The following ANKRD30B variants were observed in gnomAD, a reference collection of about 807,000 sequenced individuals.
ANKRD30B encodes the protein ankyrin repeat domain-containing protein 30B.
ANKRD30B carries 144 observed loss-of-function variants against 202.2 expected under a neutral mutation model. That is an observed-to-expected ratio of 0.71 (90% CI 0.62 to 0.82). The LOEUF is 0.82. ANKRD30B is among the 40% of genes least tolerant of loss of function. The pLI is 0.00. For synonymous variants in ANKRD30B, 508 were observed against 561.3 expected (o/e 0.91, Z 1.34); for missense variants, 1,487 against 1,669.1 (o/e 0.89, Z 1.90).
chr18:14,822,257 A>C (rs1452543593), intron 30 of ANKRD30B, among the ~76,000 whole-genome samples: 1 of 151,994 alleles, frequency 6.6e-6, no homozygotes, highest in African/African-American at 2.4e-5. Context: ...TGACTGTTGA[A>C]ATCTTCACAG....
the ANKRD30B span, among the ~76,000 whole-genome samples, chr18:14,868,188 G>A: frequency 1.3e-5 from 2 of 152,302 alleles, no homozygotes; most frequent in Admixed American, 1.3e-4. Context: ...AGCAAGTCTA[G>A]GGGCCAGGAA....
At chr18:14,805,199 C>G (rs890796429) in intron 24 of ANKRD30B, among the ~76,000 whole-genome samples, 2 of 150,672 alleles carry the variant, frequency 1.3e-5, no homozygotes, top group Non-Finnish European at 3.0e-5. Flanking sequence ...ACCTCATTAG[C>G]GAATAACATG....
the ANKRD30B span, among the ~76,000 whole-genome samples, chr18:14,930,478 G>A: frequency 6.6e-6 from 1 of 152,164 alleles, no homozygotes; most frequent in Non-Finnish European, 1.5e-5. Flanking sequence ...CTCCATCCCT[G>A]TAAGAAAACT....
chr18:14,863,412 C>T, the ANKRD30B span, among the ~76,000 whole-genome samples: 1 of 152,044 alleles, frequency 6.6e-6, no homozygotes, highest in Non-Finnish European at 1.5e-5. Context: ...CTATTCATTT[C>T]TCTCTTGACA....
chr18:14,772,297 T>C (rs576148333), intron 9 of ANKRD30B, 69 bp downstream of exon 9: 80 of 958,276 alleles, frequency 8.3e-5, no homozygotes, highest in Non-Finnish European at 1.1e-4. Context: ...TTCTTAGCAG[T>C]GGTGTATGTA....
chr18:14,890,990 A>G, the ANKRD30B span, among the ~76,000 whole-genome samples: 2 of 152,024 alleles, frequency 1.3e-5, no homozygotes, highest in Non-Finnish European at 2.9e-5. Flanking sequence ...ATGACACACT[A>G]AATAAAGTAA....
intron 1 of ANKRD30B, among the ~76,000 whole-genome samples, chr18:14,751,741 T>A (rs1374983135): frequency 1.3e-5 from 2 of 152,166 alleles, no homozygotes; most frequent in Non-Finnish European, 2.9e-5. Context: ...GAGGAAGTAG[T>A]TTGTTTTAAC....
At chr18:14,938,988 A>G in the ANKRD30B span, among the ~76,000 whole-genome samples, 2 of 152,192 alleles carry the variant, frequency 1.3e-5, no homozygotes, top group African/African-American at 4.8e-5. Flanking sequence ...ATAAATGGCC[A>G]CAGGCTGCTG....
In ANKRD30B at chr18:14,785,096, T is replaced by A. The variant is rs185589852; in HGVS notation, c.1672+561T>A. On this transcript the variant is annotated intron_variant, in intron 14 of 43. Transcript: ENST00000690538. ...CTTTACCTTGTAAAGATGAGGAAAG[T>A]AATTAGTCATTTATTTGTGAATATT... Among the ~76,000 whole-genome samples the A allele has an allele frequency of 2.4e-4, 37 of 152,304 alleles. No homozygotes were observed. The East Asian group carries it at 6.4e-3, about 26-fold the overall frequency.
intron 37 of ANKRD30B, among the ~76,000 whole-genome samples, chr18:14,841,933 A>G (rs1464309591): frequency 6.6e-6 from 1 of 152,194 alleles, no homozygotes; most frequent in Non-Finnish European, 1.5e-5. Flanking sequence ...TATTCAAATG[A>G]GAGATATTTG....
intron 22 of ANKRD30B, among the ~76,000 whole-genome samples, chr18:14,800,371 C>G (rs1267172528): frequency 9.3e-5 from 14 of 150,550 alleles, no homozygotes; most frequent in Non-Finnish European, 1.8e-4. Flanking sequence ...CTTGCCCAGG[C>G]TGGAGAGCAG....
In ANKRD30B at chr18:14,853,934, A is replaced by C. The variant is rs895613264; in HGVS notation, c.*24A>C. Among the ~76,000 whole-genome samples the C allele has an allele frequency of 1.2e-4, 19 of 152,220 alleles. No individual in the cohort carries two copies. Among genetic ancestry groups the C allele is most frequent in the African/African-American group, 4.3e-4 (18 of 41,458 alleles). On this transcript the variant is annotated 3_prime_UTR_variant, in exon 43 of 44. Coordinates refer to ENST00000690538, the MANE Select transcript of ANKRD30B (RefSeq NM_001367607.2). ...AGAGGCTACATCACATTATCACATT[A>C]ATCTCAAAGGTGAGATACAGGATTT...
chr18:14,859,955 C>T, the ANKRD30B span, among the ~76,000 whole-genome samples: 12 of 122,180 alleles, frequency 9.8e-5, no homozygotes, highest in Non-Finnish European at 2.1e-4. Flanking sequence ...CACTCCTCAC[C>T]TCCCAGATGG....
the ANKRD30B span, among the ~76,000 whole-genome samples, chr18:14,899,221 C>A: frequency 6.6e-6 from 1 of 152,040 alleles, no homozygotes; most frequent in East Asian, 1.9e-4. Context: ...CAAATGTCAA[C>A]TGTTCCCCTT....
At chr18:14,795,703 T>A (rs887661441) in intron 16 of ANKRD30B, among the ~76,000 whole-genome samples, 7 of 152,208 alleles carry the variant, frequency 4.6e-5, no homozygotes, top group African/African-American at 1.4e-4. Flanking sequence ...ATAAGTAAAT[T>A]GTACCTTTGA....
At chr18:14,897,011 G>T in the ANKRD30B span, among the ~76,000 whole-genome samples, 1 of 145,304 alleles carries the variant, frequency 6.9e-6, no homozygotes, top group Admixed American at 6.9e-5. Context: ...TCAGAAGAAA[G>T]AAGTGGCCAA....
At chr18:14,837,851 T>C (rs1444284405) in intron 36 of ANKRD30B, among the ~76,000 whole-genome samples, 175 bp downstream of exon 36, 1 of 152,046 alleles carries the variant, frequency 6.6e-6, no homozygotes, top group African/African-American at 2.4e-5. Context: ...TCGTCTCTAC[T>C]AAAAATACAA....
intron 9 of ANKRD30B, among the ~76,000 whole-genome samples, chr18:14,774,852 G>A (rs1312231212): frequency 5.3e-5 from 8 of 152,000 alleles, no homozygotes; most frequent in Non-Finnish European, 7.4e-5. Flanking sequence ...TAAGGGCCAG[G>A]TGTGGTGGCT....
intron 15 of ANKRD30B, among the ~76,000 whole-genome samples, chr18:14,788,625 A>G (rs1471085422): frequency 1.3e-5 from 2 of 151,146 alleles, no homozygotes; most frequent in East Asian, 1.9e-4. Context: ...ATTCCCACCT[A>G]TGAGTGAGAA....
Sources: gnomAD v4.1 joint callset for allele counts (sites outside exome capture counted in the v4.1 genomes callset) on GRCh38, gnomAD v4.1.1 for gene constraint, MANE v1.5 for transcripts, NCBI Gene and HGNC (gene_info 2026-07-23, HGNC 2026-07-21) for gene names.